PTPN5: variants seen among roughly 807,000 people sequenced by gnomAD.
PTPN5 encodes the protein protein tyrosine phosphatase non-receptor type 5, also known as tyrosine-protein phosphatase non-receptor type 5.
Under a neutral mutation model 73.9 loss-of-function variants are expected in PTPN5, and 29 were observed. That is an observed-to-expected ratio of 0.39 (90% CI 0.29 to 0.54). The LOEUF is 0.54. Ranked by LOEUF, PTPN5 falls within the 20% of genes least tolerant of loss-of-function variation. PTPN5 has a pLI of 0.65. For synonymous variants in PTPN5, 267 were observed against 304.7 expected (o/e 0.88, Z 1.29); for missense variants, 652 against 751.4 (o/e 0.87, Z 1.55).
chr11:18,769,376 A>T (rs1341962220), intron 2 of PTPN5, among the ~76,000 whole-genome samples: 2 of 152,076 alleles, frequency 1.3e-5, no homozygotes, highest in Middle Eastern at 3.4e-3. Flanking sequence ...TCCAAGGGGG[A>T]GACAGGAGCT....
At chr11:18,732,934 G>C (rs1403943413) in intron 11 of PTPN5, among the ~76,000 whole-genome samples, 1 of 152,170 alleles carries the variant, frequency 6.6e-6, no homozygotes, top group Non-Finnish European at 1.5e-5. Flanking sequence ...TGGAGATTCG[G>C]TTAAATGGGC....
At chr11:18,788,362 C>T (rs1415849629) in intron 1 of PTPN5, among the ~76,000 whole-genome samples, 1 of 152,090 alleles carries the variant, frequency 6.6e-6, no homozygotes. Context: ...TAAAGACTCC[C>T]AACTCCTTAG....
intron 3 of PTPN5, among the ~76,000 whole-genome samples, chr11:18,762,456 GACAAACATTTGTGGAAGTCTAC>G (rs1850441574): frequency 6.6e-6 from 1 of 151,992 alleles, no homozygotes; most frequent in Non-Finnish European, 1.5e-5. Flanking sequence ...CAGTGTCCTT[GACAAACATTTGTGGAAGTCTAC>G]TCTACACCAG....
At chr11:18,752,089 G>T (rs1324810595) in intron 3 of PTPN5, among the ~76,000 whole-genome samples, 2 of 152,134 alleles carry the variant, frequency 1.3e-5, no homozygotes, top group Middle Eastern at 3.2e-3. Flanking sequence ...AAATTAGTCA[G>T]GTGTGGTGGT....
chr11:18,763,367 G>C (rs530555202), intron 3 of PTPN5, among the ~76,000 whole-genome samples: 1 of 152,378 alleles, frequency 6.6e-6, no homozygotes, highest in East Asian at 1.9e-4. Flanking sequence ...GCTACTGAGA[G>C]AGACTGCCTG....
chr11:18,752,806 C>T (rs4757709), intron 3 of PTPN5, among the ~76,000 whole-genome samples: 100,692 of 152,086 alleles, frequency 0.66, 34,096 homozygotes, highest in Middle Eastern at 0.86. Flanking sequence ...AGAGGCCCTG[C>T]GGCAGGGAGG....
intron 3 of PTPN5, among the ~76,000 whole-genome samples, chr11:18,747,755 C>T (rs1849705204): frequency 5.9e-5 from 9 of 152,174 alleles, no homozygotes; most frequent in Admixed American, 5.9e-4. Context: ...GGTTACAAAA[C>T]AGTATAATCT....
intron 1 of PTPN5, among the ~76,000 whole-genome samples, chr11:18,784,102 T>A (rs1449237860): frequency 6.6e-6 from 1 of 152,126 alleles, no homozygotes; most frequent in Non-Finnish European, 1.5e-5. Context: ...TTTTAAAAAA[T>A]GCACCCTGCA....
intron 3 of PTPN5, among the ~76,000 whole-genome samples, chr11:18,750,753 T>A (rs1198716639): frequency 6.6e-6 from 1 of 152,080 alleles, no homozygotes; most frequent in Admixed American, 6.5e-5. Context: ...GTCACAACTG[T>A]GCTGCAGGTT....
rs183693769 is a variant in PTPN5, at chr11:18,728,762, A to G, written c.*172T>C. The G allele has an allele frequency of 6.0e-4, 359 of 601,982 alleles. 1 individual carries two copies. The highest frequency in any genetic ancestry group is 8.0e-4 in the Non-Finnish European group (287 of 357,270). 37.3% of individuals were successfully genotyped at this position (601,982 alleles called of 1,614,324 possible). A position where few individuals can be genotyped will look rare whatever the true frequency, so the allele number is the denominator to read the frequency against. Reference sequence around the variant, plus strand: ...CTGCCCCCCACTCCCCAATATGTACAGTAGGAAGAGCAATGCTGGAGGGTA... The same window carrying G: ...CTGCCCCCCACTCCCCAATATGTACGGTAGGAAGAGCAATGCTGGAGGGTA... On this transcript the variant is annotated 3_prime_UTR_variant, in exon 15 of 15. Coordinates refer to ENST00000358540, the MANE Select transcript of PTPN5 (RefSeq NM_006906.2). The surrounding 1 kb of genome is among the most constrained non-coding windows in gnomAD (Gnocchi z 4.1).
upstream of PTPN5, chr11:18,792,298 T>G (rs1030275914): frequency 6.6e-6 from 1 of 152,368 alleles, no homozygotes; most frequent in Non-Finnish European, 1.5e-5. Context: ...TCCCCGCATG[T>G]TGCCAACACC....
At chr11:18,736,306 A>G (rs1849110884) in intron 9 of PTPN5, among the ~76,000 whole-genome samples, 1 of 152,172 alleles carries the variant, frequency 6.6e-6, no homozygotes, top group Non-Finnish European at 1.5e-5. Context: ...TAGGTGCAGA[A>G]TGTCTACCAT....
At chr11:18,778,399 T>C (rs1315740653) in intron 1 of PTPN5, among the ~76,000 whole-genome samples, 1 of 152,234 alleles carries the variant, frequency 6.6e-6, no homozygotes, top group Non-Finnish European at 1.5e-5. Flanking sequence ...GATTAGGCCT[T>C]GTCCACTCTT....
At chr11:18,784,856 T>C (rs751443814) in intron 1 of PTPN5, among the ~76,000 whole-genome samples, 39 of 151,788 alleles carry the variant, frequency 2.6e-4, no homozygotes, top group Non-Finnish European at 4.4e-4. Flanking sequence ...CCTGTTCTTT[T>C]TCTTTTTTTC....
intron 2 of PTPN5, among the ~76,000 whole-genome samples, chr11:18,766,690 G>C (rs1026849698): frequency 6.6e-6 from 1 of 152,180 alleles, no homozygotes; most frequent in Admixed American, 6.5e-5. Flanking sequence ...CATCTTGAGA[G>C]TAGACATATC....
At chr11:18,771,917 G>C (rs376089857) in intron 2 of PTPN5, 22 bp downstream of exon 2, 1 of 1,599,294 alleles carries the variant, frequency 6.3e-7, no homozygotes, top group African/African-American at 1.4e-5. Context: ...GTTGCAGGGG[G>C]ACGGCGTAAA....
At chr11:18,746,162 A>AATATAAATATATATATAT (rs1291741015) in intron 3 of PTPN5, among the ~76,000 whole-genome samples, 2 of 67,636 alleles carry the variant, frequency 3.0e-5, no homozygotes, top group African/African-American at 4.4e-5. Flanking sequence ...TATAAATATA[A>AATATAAATATATATATAT]ATATATATAT....
chr11:18,780,760 G>T (rs1303488845), intron 1 of PTPN5, among the ~76,000 whole-genome samples: 1 of 152,106 alleles, frequency 6.6e-6, no homozygotes, highest in Non-Finnish European at 1.5e-5. Flanking sequence ...GGCTGACAAG[G>T]GGCAAGGGAT....
chr11:18,791,985 G>A (rs1199552720), upstream of PTPN5: 1 of 152,246 alleles, frequency 6.6e-6, no homozygotes. Context: ...CATCTCAGGT[G>A]CCTCCCTCTC....
Sources: allele counts gnomAD v4.1 joint callset (sites outside exome capture counted in the v4.1 genomes callset), GRCh38; gene constraint gnomAD v4.1.1; non-coding constraint Gnocchi (gnomAD v3.1); transcripts MANE v1.5; gene names NCBI Gene and HGNC (gene_info 2026-07-23, HGNC 2026-07-21).